The following IFT140 variants were observed in gnomAD, a reference collection of about 807,000 sequenced individuals.
IFT140 encodes intraflagellar transport 140.
A neutral mutation model predicts 164.6 loss-of-function variants in IFT140; 133 were observed. That is an observed-to-expected ratio of 0.81 (90% CI 0.70 to 0.93). IFT140 has a LOEUF of 0.93. IFT140 is among the 40% of genes least tolerant of loss of function. The pLI is 0.00. For synonymous variants in IFT140, 860 were observed against 817.3 expected (o/e 1.05, Z -0.89); for missense variants, 2,045 against 1,972.3 (o/e 1.04, Z -0.70).
At chr16:1,604,126 C>T (rs2035929569) in intron 3 of IFT140, among the ~76,000 whole-genome samples, 1 of 152,218 alleles carries the variant, frequency 6.6e-6, no homozygotes, top group Admixed American at 6.5e-5. Context: ...AAGGGAGAAT[C>T]TACCCAAAAA....
chr16:1,545,766 CCTT>C (rs1267309456), intron 19 of IFT140, among the ~76,000 whole-genome samples: 1 of 152,248 alleles, frequency 6.6e-6, no homozygotes, highest in African/African-American at 2.4e-5. Context: ...AAGGAAGGCT[CCTT>C]GTCAGCTCCA....
At chr16:1,573,912 G>GT in intron 13 of IFT140, among the ~76,000 whole-genome samples, 1 of 152,298 alleles carries the variant, frequency 6.6e-6, no homozygotes, top group East Asian at 1.9e-4. Context: ...TCAGAGGAAG[G>GT]TAAGTCCTTT....
At chr16:1,524,185 G>A (rs1288004981) in intron 24 of IFT140, 11 of 637,462 alleles carry the variant, frequency 1.7e-5, no homozygotes, top group South Asian at 4.1e-5. Context: ...TACCTGACAC[G>A]GGAGATGCTT....
At chr16:1,597,459 C>T (rs1325109116) in intron 4 of IFT140, among the ~76,000 whole-genome samples, 2 of 152,176 alleles carry the variant, frequency 1.3e-5, no homozygotes, top group Admixed American at 6.5e-5. Context: ...GATACCCCAG[C>T]GGCCTCAGGT....
chr16:1,582,720 A>G (rs1022554109), intron 12 of IFT140, among the ~76,000 whole-genome samples: 3 of 152,236 alleles, frequency 2.0e-5, no homozygotes, highest in Non-Finnish European at 2.9e-5. Flanking sequence ...CCTGGCCAAC[A>G]TGTTGAAACC....
chr16:1,556,296 C>T (rs187232822), intron 19 of IFT140, among the ~76,000 whole-genome samples: 2 of 152,220 alleles, frequency 1.3e-5, no homozygotes, highest in African/African-American at 2.4e-5. Context: ...GGGTCAAAAC[C>T]GGCCCATGCC....
chr16:1,544,562 T>C (rs929137064), intron 19 of IFT140, among the ~76,000 whole-genome samples: 1 of 152,102 alleles, frequency 6.6e-6, no homozygotes, highest in South Asian at 2.1e-4. Flanking sequence ...ACTCCTGATC[T>C]CAGGTGATCC....
chr16:1,608,527 G>A (rs776961219), intron 2 of IFT140, among the ~76,000 whole-genome samples: 3 of 151,678 alleles, frequency 2.0e-5, no homozygotes, highest in Admixed American at 1.3e-4. Context: ...CAGCTACTCC[G>A]GAGCCTAAGA....
At chr16:1,545,929 G>A (rs2141335201) in intron 19 of IFT140, among the ~76,000 whole-genome samples, 1 of 152,336 alleles carries the variant, frequency 6.6e-6, no homozygotes, top group East Asian at 1.9e-4. Flanking sequence ...CCCAGAGAGA[G>A]CAGCTGAAAT....
chr16:1,528,106 G>C (rs2029919325), intron 19 of IFT140, among the ~76,000 whole-genome samples: 1 of 152,150 alleles, frequency 6.6e-6, no homozygotes, highest in Non-Finnish European at 1.5e-5. Flanking sequence ...CATCCAGGGA[G>C]ATCCCGCCCC....
intron 19 of IFT140, chr16:1,528,892 C>A (rs566760734): frequency 6.6e-6 from 1 of 152,368 alleles, no homozygotes; most frequent in African/African-American, 2.4e-5. Context: ...CCAGGGAGCC[C>A]AGTCCCACGG....
chr16:1,518,199 C>A lies in IFT140; in HGVS notation c.4182+17G>T. The A allele has an allele frequency of 6.3e-7, 1 of 1,595,018 alleles. No homozygotes were observed. Among genetic ancestry groups the A allele is most frequent in the South Asian group, 1.1e-5 (1 of 87,192 alleles). ...TGTGTGGCGGGATGCTGCTAGTGAG[C>A]AGCACTCAGGCCTCACCGTCTGGTA... On this transcript the variant is annotated intron_variant, in intron 30 of 30. Transcript: ENST00000426508.
In IFT140 at chr16:1,602,465, C is replaced by G. The variant is rs1368281360; in HGVS notation, c.274G>C (p.Asp92His). 1 of 1,614,114 alleles carries G rather than the reference C, an allele frequency of 6.2e-7. No homozygotes were observed. The highest frequency in any genetic ancestry group is 1.7e-5 in the Admixed American group (1 of 60,008). ...TGEVTVFNKQ[D>H]KEQHTMPLTH... ...AGGGGCATCGTGTGCTGCTCCTTGTCCTGCTTGTTAAACACCGTCACTTCT... is the reference window on the plus strand; with the variant it reads ...AGGGGCATCGTGTGCTGCTCCTTGTGCTGCTTGTTAAACACCGTCACTTCT... Residue 92 changes from aspartate to histidine, a missense_variant, in exon 4 of 31, where the codon GAC becomes CAC. Transcript: ENST00000426508.
At position 1,520,762 on chromosome 16, in the gene IFT140, G is replaced by A. The variant is rs2040502775; in HGVS notation, c.3500C>T (p.Thr1167Ile). The change falls in exon 27 of 31, where the codon ACC becomes ATC. Residue 1167 changes from threonine (T) to isoleucine (I), a missense_variant. Physicochemically the swap from Thr to Ile is moderately conservative, Grantham distance 89 (BLOSUM62 -1). Coordinates refer to ENST00000426508, the MANE Select transcript of IFT140 (RefSeq NM_014714.4). ...GGTCATCTTTTCCGCCATCTCCTCG[G>A]TGATGCTCATGTTCTGCCCCAGGCA... ...QLCLGQNMSI[T>I]EEMAEKMTVA... The A allele has an allele frequency of 6.2e-7, 1 of 1,608,516 alleles. No individual in the cohort carries two copies. The highest frequency in any genetic ancestry group is 8.5e-7 in the Non-Finnish European group (1 of 1,179,994).
intron 17 of IFT140, among the ~76,000 whole-genome samples, chr16:1,563,152 T>G (rs183736304): frequency 1.3e-4 from 20 of 152,114 alleles, no homozygotes; most frequent in Non-Finnish European, 2.6e-4. Flanking sequence ...ACAGCCTGTA[T>G]CTTGAAGTGG....
intron 10 of IFT140, among the ~76,000 whole-genome samples, chr16:1,585,084 A>G (rs1010242310): frequency 6.6e-6 from 1 of 152,260 alleles, no homozygotes; most frequent in Non-Finnish European, 1.5e-5. Context: ...GAGAGAAATC[A>G]TAAGAAAGAA....
chr16:1,567,681 G>T (rs1220890023), intron 15 of IFT140, among the ~76,000 whole-genome samples: 1 of 152,212 alleles, frequency 6.6e-6, no homozygotes, highest in African/African-American at 2.4e-5. Context: ...AATGAACAAG[G>T]GAACCCGCAC....
rs148462329 is a variant in IFT140 at position 1,592,477 on chromosome 16, G to A, written c.481C>T (p.Pro161Ser). ...AAGCCCCACACTTACTCGCCAGGAG[G>A]GGGGAGCCGGAAGATGCAGTGCGTG... ...HLTHCIFRLP[P>S]PGEDLVQLAK... The change falls in exon 5 of 31, where the codon CCT becomes TCT. Residue 161 changes from proline (P) to serine (S), a missense_variant. Transcript: ENST00000426508. 23 of 1,614,062 alleles carry A rather than the reference G, an allele frequency of 1.4e-5. No individual in the cohort carries two copies. The highest frequency in any genetic ancestry group is 1.9e-5 in the Non-Finnish European group (23 of 1,180,030).
At chr16:1,520,498 G>A in intron 27 of IFT140, 104 bp downstream of exon 27, 2 of 1,380,858 alleles carry the variant, frequency 1.4e-6, no homozygotes. Flanking sequence ...GAAAGGCTCA[G>A]CCCTAGCTTG....
Sources: allele counts gnomAD v4.1 joint callset (sites outside exome capture counted in the v4.1 genomes callset), GRCh38; gene constraint gnomAD v4.1.1; transcripts MANE v1.5; gene names NCBI Gene and HGNC (gene_info 2026-07-23, HGNC 2026-07-21).